Variants in LAMA2 observed in about 807,000 individuals in gnomAD.
LAMA2 encodes laminin subunit alpha-2.
A neutral mutation model predicts 364.8 loss-of-function variants in LAMA2; 269 were observed. That is an observed-to-expected ratio of 0.74 (90% CI 0.67 to 0.82). The LOEUF is 0.82. Among genes scored for constraint, LAMA2 ranks in the 40% least tolerant of loss-of-function variants. The pLI is 0.00. For missense variants in LAMA2, 3,807 were observed against 3,873.2 expected (o/e 0.98, Z 0.45); for synonymous variants, 1,379 against 1,370.6 (o/e 1.01, Z -0.14).
At chr6:129,486,859 G>A (rs1254123095) in intron 56 of LAMA2, among the ~76,000 whole-genome samples, 2 of 152,030 alleles carry the variant, frequency 1.3e-5, no homozygotes, top group Non-Finnish European at 2.9e-5. Flanking sequence ...TCCACCTTTG[G>A]AAAAACCAAA....
chr6:129,077,740 A>T (rs1262907640), intron 3 of LAMA2, among the ~76,000 whole-genome samples: 1 of 152,174 alleles, frequency 6.6e-6, no homozygotes, highest in Non-Finnish European at 1.5e-5. Context: ...CCTACTTCTT[A>T]TATTACCTTT....
At position 129,507,528 on chromosome 6, in the gene LAMA2, A is replaced by G. The variant is rs1459767122; in HGVS notation, c.8743A>G (p.Met2915Val). The G allele has an allele frequency of 1.9e-6, 3 of 1,614,104 alleles. No individual in the cohort carries two copies. Among genetic ancestry groups the G allele is most frequent in the East Asian group, 2.2e-5 (1 of 44,870 alleles). The change falls in exon 62 of 65, where the codon ATG becomes GTG. Residue 2915 changes from methionine to valine, a missense_variant. Around this residue, in one of 3 missense-constraint regions of LAMA2, gnomAD observed 3,333 missense variants for 3,345.7 expected, o/e 1.00. Transcript: ENST00000421865. ...TGATGGCTGCGTCAGGAATCTCCAC[A>G]TGGCAGAGGCCCCTGCCGATCTGGA... ...SIDGCVRNLH[M>V]AEAPADLEQP...
At chr6:129,397,112 AAG>A (rs1299560841) in intron 37 of LAMA2, among the ~76,000 whole-genome samples, 1 of 152,152 alleles carries the variant, frequency 6.6e-6, no homozygotes, top group Admixed American at 6.5e-5. Flanking sequence ...AAGAAAAAGA[AAG>A]TGTCCAATTT....
chr6:129,384,211 T>C (rs111627278), intron 35 of LAMA2, among the ~76,000 whole-genome samples: 114 of 152,288 alleles, frequency 7.5e-4, no homozygotes, highest in African/African-American at 2.6e-3. Context: ...AGTTAATTCA[T>C]TGTGGTTTAT....
chr6:129,109,077 C>A (rs1266856878), intron 4 of LAMA2, among the ~76,000 whole-genome samples: 4 of 152,060 alleles, frequency 2.6e-5, no homozygotes. Context: ...AGTTTAACTT[C>A]TTTCCAGGCA....
At chr6:129,088,835 T>C (rs888047785) in intron 3 of LAMA2, among the ~76,000 whole-genome samples, 7 of 146,374 alleles carry the variant, frequency 4.8e-5, no homozygotes, top group Non-Finnish European at 7.5e-5. Flanking sequence ...CCAGACTGGG[T>C]AGCCAGGCAG....
At chr6:129,468,419 T>C (rs1783649081) in intron 51 of LAMA2, among the ~76,000 whole-genome samples, 1 of 151,930 alleles carries the variant, frequency 6.6e-6, no homozygotes, top group African/African-American at 2.4e-5. Flanking sequence ...TCTTCTCATA[T>C]ATCCAATATA....
At chr6:129,427,202 C>T (rs1357959418) in intron 40 of LAMA2, among the ~76,000 whole-genome samples, 1 of 152,034 alleles carries the variant, frequency 6.6e-6, no homozygotes, top group Non-Finnish European at 1.5e-5. Flanking sequence ...TTTGCCATAC[C>T]GCTTTAAGAT....
chr6:129,225,125 G>T (rs907695551), intron 12 of LAMA2, among the ~76,000 whole-genome samples: 2 of 152,160 alleles, frequency 1.3e-5, no homozygotes, highest in Non-Finnish European at 2.9e-5. Context: ...TTGCATAGAG[G>T]TGTTTATAGT....
At chr6:129,354,325 T>A (rs1002156636) in intron 32 of LAMA2, among the ~76,000 whole-genome samples, 1 of 152,120 alleles carries the variant, frequency 6.6e-6, no homozygotes, top group Non-Finnish European at 1.5e-5. Context: ...GATTTTAAAA[T>A]CATTTTTTCT....
intron 7 of LAMA2, among the ~76,000 whole-genome samples, chr6:129,150,751 C>T (rs914006066): frequency 2.0e-5 from 3 of 152,038 alleles, no homozygotes; most frequent in African/African-American, 7.2e-5. Context: ...GGGATCTTAG[C>T]CATAAAGCCA....
rs114253562 is a variant in LAMA2 at position 129,448,892 on chromosome 6, T to C, written c.6429+3071T>C. Among the ~76,000 whole-genome samples the C allele has an allele frequency of 2.7e-3, 416 of 152,328 alleles. 2 individuals carry two copies. The highest frequency in any genetic ancestry group is 9.4e-3 in the African/African-American group (389 of 41,574). Reference sequence around the variant, plus strand: ...TCTTTCCTCTTACAAGAGTGACATATCCTAAAGATTTCTTCTAGAGATACA... The same window carrying C: ...TCTTTCCTCTTACAAGAGTGACATACCCTAAAGATTTCTTCTAGAGATACA... On this transcript the variant is annotated intron_variant, in intron 45 of 64. Transcript: ENST00000421865.
chr6:129,374,744 ATT>A (rs33988321), intron 34 of LAMA2, among the ~76,000 whole-genome samples: 39 of 137,288 alleles, frequency 2.8e-4, no homozygotes, highest in East Asian at 1.1e-3. Context: ...TGCCCAGCTA[ATT>A]TTTTTTTTTT....
Position 129,071,965 on chromosome 6 carries a change from C to CAAACA in LAMA2, c.396+12094_396+12098dup, listed in dbSNP as rs367979054. Among the ~76,000 whole-genome samples the CAAACA allele has an allele frequency of 4.0e-3, 614 of 151,978 alleles. 2 individuals carry two copies. The highest frequency in any genetic ancestry group is 6.7e-3 in the South Asian group (32 of 4,806). ...CAACGTGGTGAAACCTCATCTCTAC[C>CAAACA]AAACAAAACAAAACAAAACAAAACA... On this transcript the variant is annotated intron_variant, in intron 3 of 64. Transcript: ENST00000421865.
Position 129,473,342 on chromosome 6 carries a change from A to T in LAMA2, c.7429A>T (p.Arg2477Ter), listed in dbSNP as rs766071796. 6.2e-7 allele frequency: 1 copy of T among 1,612,448 alleles called. No individual in the cohort carries two copies. Residue 2477 changes from arginine (R) to a stop codon, truncating the protein, a stop_gained, in exon 52 of 65, where the codon AGA becomes TGA. Coordinates refer to ENST00000421865, the MANE Select transcript of LAMA2 (RefSeq NM_000426.4). LOFTEE classifies it high-confidence loss of function. ...ATATTTTGGTGGCCTGCCAACGCTG[A>T]GAAACTTGAGGTAATTTAGTTTATA... is the stretch of plus-strand genomic sequence containing the variant. ...KIYFGGLPTL[R>*]NLSMKARPEV...
chr6:129,276,765 A>T (rs1195832070), intron 17 of LAMA2, among the ~76,000 whole-genome samples: 1 of 151,986 alleles, frequency 6.6e-6, no homozygotes, highest in African/African-American at 2.4e-5. Flanking sequence ...TTCTAAATAC[A>T]CCCTTAAGTT....
At chr6:129,450,523 A>G (rs1224301704) in intron 45 of LAMA2, among the ~76,000 whole-genome samples, 4 of 151,914 alleles carry the variant, frequency 2.6e-5, no homozygotes, top group Non-Finnish European at 4.4e-5. Context: ...GGGTTTCACC[A>G]TGTTGGCCAG....
intron 9 of LAMA2, among the ~76,000 whole-genome samples, chr6:129,169,066 G>A (rs1487222776): frequency 6.6e-6 from 1 of 152,138 alleles, no homozygotes; most frequent in Non-Finnish European, 1.5e-5. Context: ...TTTGGACTGA[G>A]ACAATGGGGT....
Position 129,443,075 on chromosome 6 carries a change from A to T in LAMA2, c.6274+7A>T. Reference sequence around the variant, plus strand: ...AAATTGCCTGCAGAAATCAGTACGTATATGTTTACTTATATACCTTTTAGT... The same window carrying T: ...AAATTGCCTGCAGAAATCAGTACGTTTATGTTTACTTATATACCTTTTAGT... On this transcript the variant is annotated splice_region_variant and intron_variant, in intron 44 of 64. Coordinates refer to ENST00000421865, the MANE Select transcript of LAMA2 (RefSeq NM_000426.4). 6.3e-7 allele frequency: 1 copy of T among 1,593,670 alleles called. No homozygotes were observed.
Sources: gnomAD v4.1 joint callset for allele counts (sites outside exome capture counted in the v4.1 genomes callset) on GRCh38, gnomAD v4.1.1 for gene constraint, gnomAD v4.1.1 regional missense constraint, MANE v1.5 for transcripts, NCBI Gene and HGNC (gene_info 2026-07-23, HGNC 2026-07-21) for gene names.